SORCS2: variants seen among roughly 807,000 people sequenced by gnomAD.
The protein encoded by SORCS2 is sortilin related VPS10 domain containing receptor 2.
In SORCS2, 100 loss-of-function variants were observed where a neutral mutation model predicts 141.6. That is an observed-to-expected ratio of 0.71 (90% CI 0.60 to 0.83). The LOEUF (loss-of-function observed/expected upper bound fraction) is 0.83. SORCS2 is among the 40% of genes least tolerant of loss of function. The pLI is 0.00. For missense variants in SORCS2, 1,646 were observed against 1,560.2 expected (o/e 1.05, Z -0.93); for synonymous variants, 789 against 676.9 (o/e 1.17, Z -2.57).
rs185413644 is a variant in SORCS2 at position 7,703,708 on chromosome 4, T to A, written c.1760+337T>A. On this transcript the variant is annotated intron_variant, in intron 13 of 26. Transcript: ENST00000507866. ...GACCCAGACAAGGAAGCCAGCAGCA[T>A]ATGCCCAGGTGAGAGGGTTGGCAGC... 2.2e-3 allele frequency among the ~76,000 whole-genome samples: 338 copies of A among 152,010 alleles called. 2 individuals are homozygous for A. Among genetic ancestry groups the A allele is most frequent in the East Asian group, 6.0e-3 (31 of 5,128 alleles).
At chr4:7,737,256 C>T (rs991314100) in intron 26 of SORCS2, 84 bp downstream of exon 26, 27 of 1,525,870 alleles carry the variant, frequency 1.8e-5, no homozygotes, top group East Asian at 2.5e-5. Context: ...CCACAGGCCA[C>T]CCCGCTGGGC....
intron 1 of SORCS2, among the ~76,000 whole-genome samples, chr4:7,315,576 G>A (rs1718501964): frequency 6.6e-6 from 1 of 152,198 alleles, no homozygotes; most frequent in Non-Finnish European, 1.5e-5. Context: ...CTTTGCTGTG[G>A]TGCGCCACCT....
chr4:7,305,229 C>T (rs1267200390), intron 1 of SORCS2, among the ~76,000 whole-genome samples: 1 of 152,162 alleles, frequency 6.6e-6, no homozygotes, highest in Non-Finnish European at 1.5e-5. Flanking sequence ...GATGGGGTTT[C>T]ACCGTGTTAG....
intron 2 of SORCS2, among the ~76,000 whole-genome samples, chr4:7,419,947 C>G (rs891876834): frequency 6.6e-6 from 1 of 152,240 alleles, no homozygotes; most frequent in African/African-American, 2.4e-5. Context: ...CAGCTCTTCT[C>G]TGAGCATTGT....
intron 3 of SORCS2, among the ~76,000 whole-genome samples, chr4:7,568,768 A>G: frequency 6.6e-6 from 1 of 152,238 alleles, no homozygotes; most frequent in East Asian, 1.9e-4. Context: ...TGGGAACCAT[A>G]GTGCTATCCA....
At chr4:7,272,283 T>G (rs1399467372) in intron 1 of SORCS2, among the ~76,000 whole-genome samples, 1 of 152,178 alleles carries the variant, frequency 6.6e-6, no homozygotes, top group Non-Finnish European at 1.5e-5. Flanking sequence ...CTTCAAAAAT[T>G]TCAAAGCGTA....
intron 3 of SORCS2, among the ~76,000 whole-genome samples, chr4:7,570,498 C>G (rs913532694): frequency 2.0e-5 from 3 of 152,260 alleles, no homozygotes; most frequent in African/African-American, 7.2e-5. Flanking sequence ...TGGTGTGTGT[C>G]CCCATCTGCA....
chr4:7,450,273 T>G (rs2109290108), intron 2 of SORCS2, among the ~76,000 whole-genome samples: 1 of 152,288 alleles, frequency 6.6e-6, no homozygotes, highest in Admixed American at 6.5e-5. Context: ...AGTGACACGG[T>G]GTGTGACCCT....
chr4:7,615,515 A>G (rs571713211), intron 3 of SORCS2, among the ~76,000 whole-genome samples: 1 of 152,290 alleles, frequency 6.6e-6, no homozygotes, highest in African/African-American at 2.4e-5. Flanking sequence ...CCCTGGGGTG[A>G]TCTAAGAGGG....
rs369962445 is a variant in SORCS2 at position 7,512,984 on chromosome 4, A to G, written c.549-18546A>G. Among the ~76,000 whole-genome samples the G allele has an allele frequency of 5.9e-5, 9 of 152,300 alleles. No homozygotes were observed. The East Asian group carries it at 1.4e-3, about 23-fold the overall frequency. On this transcript the variant is annotated intron_variant, in intron 2 of 26. Coordinates refer to ENST00000507866, the MANE Select transcript of SORCS2 (RefSeq NM_020777.3). ...CGCAGGGGAAAGGAGAGGCTGTAGGAAAAGCCCACATCATTGTTCCTGGAA... is the reference window on the plus strand; with the variant it reads ...CGCAGGGGAAAGGAGAGGCTGTAGGGAAAGCCCACATCATTGTTCCTGGAA...
chr4:7,277,084 C>A (rs930675673), intron 1 of SORCS2, among the ~76,000 whole-genome samples: 6 of 150,170 alleles, frequency 4.0e-5, no homozygotes, highest in Middle Eastern at 3.4e-3. Flanking sequence ...GAGGCTCTCC[C>A]TGCCCCCACG....
chr4:7,544,027 TCCAG>T (rs1239229418), intron 3 of SORCS2, among the ~76,000 whole-genome samples: 55 of 136,930 alleles, frequency 4.0e-4, no homozygotes, highest in African/African-American at 1.2e-3. Context: ...CATCCATCCA[TCCAG>T]CCACCCACCC....
At chr4:7,426,112 C>T (rs549941530) in intron 2 of SORCS2, among the ~76,000 whole-genome samples, 12 of 152,304 alleles carry the variant, frequency 7.9e-5, no homozygotes, top group East Asian at 3.9e-4. Flanking sequence ...TATGTCCTCC[C>T]GAAACAGATG....
At chr4:7,420,309 A>T (rs13114433) in intron 2 of SORCS2, among the ~76,000 whole-genome samples, 1 of 151,998 alleles carries the variant, frequency 6.6e-6, no homozygotes, top group Non-Finnish European at 1.5e-5. Context: ...TGGGCCTCAG[A>T]GTCCCCATCT....
chr4:7,574,291 G>A (rs1274650840), intron 3 of SORCS2, among the ~76,000 whole-genome samples: 1 of 152,204 alleles, frequency 6.6e-6, no homozygotes, highest in Non-Finnish European at 1.5e-5. Flanking sequence ...CTTGATGACT[G>A]GCTTCCCCTG....
chr4:7,703,866 C>A (rs1046773702), intron 13 of SORCS2, among the ~76,000 whole-genome samples: 1 of 152,222 alleles, frequency 6.6e-6, no homozygotes, highest in African/African-American at 2.4e-5. Flanking sequence ...GGTGGCACTA[C>A]AATACCGGCC....
At chr4:7,403,985 ATATATATATATAT>A (rs1359677999) in intron 2 of SORCS2, among the ~76,000 whole-genome samples, 10,532 of 69,920 alleles carry the variant, frequency 0.15, 1,015 homozygotes, top group Admixed American at 0.19. Context: ...ATATATATAT[ATATATATATATAT>A]TTTTTTTTTT....
intron 1 of SORCS2, among the ~76,000 whole-genome samples, chr4:7,268,007 C>T (rs1714862233): frequency 6.6e-6 from 1 of 152,164 alleles, no homozygotes; most frequent in Non-Finnish European, 1.5e-5. Flanking sequence ...AGATGCAGGC[C>T]CGCTGGTGCC....
intron 3 of SORCS2, among the ~76,000 whole-genome samples, chr4:7,535,608 G>A (rs1466528389): frequency 6.6e-6 from 1 of 152,246 alleles, no homozygotes; most frequent in East Asian, 1.9e-4. Flanking sequence ...CCTGGCCCGA[G>A]GGAAGACCCC....
Sources: gnomAD v4.1 joint callset for allele counts (sites outside exome capture counted in the v4.1 genomes callset) on GRCh38, gnomAD v4.1.1 for gene constraint, MANE v1.5 for transcripts, NCBI Gene and HGNC (gene_info 2026-07-23, HGNC 2026-07-21) for gene names.